UBE3B: variants seen among roughly 807,000 people sequenced by gnomAD.
The protein encoded by UBE3B is ubiquitin-protein ligase E3B.
Under a neutral mutation model 132.3 loss-of-function variants are expected in UBE3B, and 80 were observed. The ratio of observed to expected loss-of-function variants is 0.60; its 90% CI spans 0.50 to 0.73. UBE3B has a LOEUF of 0.73. UBE3B is among the 30% of genes least tolerant of loss of function. The probability of loss-of-function intolerance (pLI) is 0.00; values close to 1 mark genes in which losing one functional copy is unlikely to be tolerated. For synonymous variants in UBE3B, 487 were observed against 520.4 expected (o/e 0.94, Z 0.87); for missense variants, 1,196 against 1,362.5 (o/e 0.88, Z 1.92).
chr12:109,528,330 T>G (rs1882581548), intron 24 of UBE3B: 2 of 985,246 alleles, frequency 2.0e-6, no homozygotes, highest in South Asian at 9.4e-5. Flanking sequence ...CTCAGTAAAG[T>G]GGAGCAGTAC....
At position 109,533,491 on chromosome 12, in the gene UBE3B, C is replaced by T. The variant is rs761093675; in HGVS notation, c.2948C>T (p.Pro983Leu). 2.0e-5 allele frequency: 33 copies of T among 1,614,044 alleles called. No homozygotes were observed. Among genetic ancestry groups the T allele is most frequent in the African/African-American group, 2.7e-5 (2 of 74,924 alleles). The change falls in exon 27 of 28, where the codon CCG (proline) becomes CTG (leucine). Residue 983 changes from proline to leucine, a missense_variant. By Grantham distance (98) the Pro-to-Leu change is moderately conservative (BLOSUM62 -3). Coordinates refer to ENST00000342494, the MANE Select transcript of UBE3B (RefSeq NM_130466.4). ...LKFVTSCSRP[P>L]LLGFAYLKPP... ...TTCGTGACCAGCTGCTCCAGACCCC[C>T]GCTCCTGGGATTCGCCTACCTCAAG... is the stretch of plus-strand genomic sequence containing the variant.
At position 109,523,442 on chromosome 12, in the gene UBE3B, C is replaced by G. The variant is rs940152395; in HGVS notation, c.2365-536C>G. ...CCTGCATCCTCATTGGACATAGCTT[C>G]CATTGCTTCCGTGCCCTCCATCCCT... is the stretch of plus-strand genomic sequence containing the variant. On this transcript the variant is annotated intron_variant, in intron 21 of 27. Transcript: ENST00000342494. Among the ~76,000 whole-genome samples the G allele has an allele frequency of 2.0e-5, 3 of 152,248 alleles. No individual in the cohort carries two copies. In the South Asian group the frequency reaches 6.2e-4, roughly 32 times the overall value.
the UBE3B span, among the ~76,000 whole-genome samples, chr12:109,544,658 G>A: frequency 6.6e-6 from 1 of 152,074 alleles, no homozygotes; most frequent in Non-Finnish European, 1.5e-5. Context: ...TGGATACATC[G>A]GGACTCTTGG....
In UBE3B at chr12:109,503,068, T is replaced by G. The variant is rs963528950; in HGVS notation, c.1328T>G (p.Ile443Ser). The G allele has an allele frequency of 1.2e-6, 2 of 1,614,178 alleles. No individual in the cohort carries two copies. The highest frequency in any genetic ancestry group is 2.7e-5 in the African/African-American group (2 of 75,028). ...CAAAAGTCGGCATCAGTCCGGAATA[T>G]TCTCAGGCCTGTCGGGGGTAAACGG... The part of the protein sequence containing the change: ...AFQKSASVRN[I>S]LRPVGGKRVD... Residue 443 changes from isoleucine to serine, a missense_variant, in exon 14 of 28, where the codon ATT (isoleucine) becomes AGT (serine). Transcript: ENST00000342494.
At position 109,521,759 on chromosome 12, in the gene UBE3B, C is replaced by T. The variant is rs912621274; in HGVS notation, c.2364+208C>T. ...TCTCATCCCATCGACAGCCCTGTGA[C>T]GGGGCTGCCACTGTCCTGGCTATTT... On this transcript the variant is annotated intron_variant, in intron 21 of 27. Coordinates refer to ENST00000342494, the MANE Select transcript of UBE3B (RefSeq NM_130466.4). This position sits in a 1 kb window ranked among gnomAD's most constrained non-coding sequence, Gnocchi z 4.2. Among the ~76,000 whole-genome samples, 1 of 152,140 alleles carries T rather than the reference C, an allele frequency of 6.6e-6. No homozygotes were observed. The highest frequency in any genetic ancestry group is 1.5e-5 in the Non-Finnish European group (1 of 68,012).
At position 109,489,912 on chromosome 12, in the gene UBE3B, T is replaced by C. The variant is rs771664838; in HGVS notation, c.545-7T>C. 2 of 1,613,984 alleles carry C rather than the reference T, an allele frequency of 1.2e-6. No individual in the cohort carries two copies. Among genetic ancestry groups the C allele is most frequent in the Non-Finnish European group, 1.7e-6 (2 of 1,179,834 alleles). On this transcript the variant is annotated splice_region_variant and splice_polypyrimidine_tract_variant and intron_variant, in intron 7 of 27. Coordinates refer to ENST00000342494, the MANE Select transcript of UBE3B (RefSeq NM_130466.4). ...ACTTTTTTGTTCTCACTGTTTTCTT[T>C]CTTTAGGTGAAAGTCTTCGACCAGC...
At chr12:109,507,761 T>C in intron 15 of UBE3B, 26 bp downstream of exon 15, 1 of 1,600,268 alleles carries the variant, frequency 6.2e-7, no homozygotes, top group Non-Finnish European at 8.5e-7. Flanking sequence ...TGGGACTGAA[T>C]TCCTTTCCTA....
chr12:109,516,903 GA>G lies in UBE3B; in HGVS notation c.2076+21del, dbSNP rs753911232. 6.2e-7 allele frequency: 1 copy of G among 1,610,964 alleles called. No homozygotes were observed. The highest frequency in any genetic ancestry group is 8.5e-7 in the Non-Finnish European group (1 of 1,178,034). On this transcript the variant is annotated intron_variant, in intron 19 of 27. Coordinates refer to ENST00000342494, the MANE Select transcript of UBE3B (RefSeq NM_130466.4). ...GCTGGAGGTGAGTGTGAAGCCTATG[GA>G]ATCCTACCACAAGGAAGTGGGCCCT...
At chr12:109,518,701 TATC>T in intron 19 of UBE3B, among the ~76,000 whole-genome samples, 1 of 152,328 alleles carries the variant, frequency 6.6e-6, no homozygotes, top group East Asian at 1.9e-4. Context: ...CCTTCACAAA[TATC>T]ATTGCTTATT....
chr12:109,542,505 G>A, the UBE3B span, among the ~76,000 whole-genome samples: 1 of 152,176 alleles, frequency 6.6e-6, no homozygotes, highest in Non-Finnish European at 1.5e-5. Flanking sequence ...CAAAAAAGAT[G>A]CATCCTAACC....
chr12:109,482,018 G>T (rs575057328), intron 2 of UBE3B, among the ~76,000 whole-genome samples: 1 of 152,208 alleles, frequency 6.6e-6, no homozygotes, highest in Non-Finnish European at 1.5e-5. Context: ...TGTTCATGTG[G>T]TGGGAGGCTT....
At chr12:109,503,333 A>G in intron 14 of UBE3B, 143 bp downstream of exon 14, 2 of 1,074,732 alleles carry the variant, frequency 1.9e-6, no homozygotes, top group Non-Finnish European at 2.6e-6. Context: ...CCTCTTAGAG[A>G]TTAGTCCACC....
the UBE3B span, among the ~76,000 whole-genome samples, chr12:109,546,779 G>A: frequency 6.6e-6 from 1 of 152,082 alleles, no homozygotes; most frequent in African/African-American, 2.4e-5. Context: ...GCACGATCTC[G>A]GCTCGCTGCA....
intron 14 of UBE3B, among the ~76,000 whole-genome samples, chr12:109,506,505 C>T (rs1592926552): frequency 6.6e-6 from 1 of 152,188 alleles, no homozygotes; most frequent in African/African-American, 2.4e-5. Context: ...CTGGCCACCA[C>T]GCCCGGCTGA....
rs763496381 is a variant in UBE3B, at chr12:109,491,109, C to T, written c.695C>T (p.Ala232Val). ...CTATCCAAAGGCACTTTAACAGCAG[C>T]TTTTTCTCTAGCGTTACGGTGAGTA... ...PCLSKGTLTA[A>V]FSLALRPVIA... Residue 232 changes from alanine to valine, a missense_variant, in exon 9 of 28, where the codon GCT becomes GTT. Coordinates refer to ENST00000342494, the MANE Select transcript of UBE3B (RefSeq NM_130466.4). 6.2e-7 allele frequency: 1 copy of T among 1,614,032 alleles called. No homozygotes were observed. Among genetic ancestry groups the T allele is most frequent in the Non-Finnish European group, 8.5e-7 (1 of 1,179,908 alleles).
chr12:109,509,701 G>C lies in UBE3B; in HGVS notation c.1728G>C (p.Trp576Cys). The change falls in exon 16 of 28, where the codon TGG (tryptophan) becomes TGC (cysteine). Residue 576 changes from tryptophan to cysteine, a missense_variant. By Grantham distance (215) the Trp-to-Cys change is radical. Coordinates refer to ENST00000342494, the MANE Select transcript of UBE3B (RefSeq NM_130466.4). ...FLNSFVFKMI[W>C]DGIVENAKGE... The stretch of plus-strand genomic sequence containing the variant: ...ATTCTTTTGTGTTTAAGATGATCTG[G>C]GATGGAATTGTAGGTAAGAGAAAAG... The C allele has an allele frequency of 6.2e-7, 1 of 1,604,154 alleles. No homozygotes were observed.
chr12:109,491,199 C>A, intron 9 of UBE3B, 72 bp downstream of exon 9: 1 of 1,445,170 alleles, frequency 6.9e-7, no homozygotes, highest in Non-Finnish European at 9.7e-7. Context: ...TTCTTTCTCT[C>A]GTTACTGGTA....
rs375186905 is a variant in UBE3B, at chr12:109,518,993, C to CT, written c.2076+2115dup. Among the ~76,000 whole-genome samples the CT allele has an allele frequency of 2.9e-3, 449 of 152,278 alleles. 10 individuals carry two copies. The highest frequency in any genetic ancestry group is 0.01 in the African/African-American group (427 of 41,562). ...CTCATGCTCTCCTGGGCATTGTTTC[C>CT]TTTTTTATGGTTAGTATTGAGGGCT... is the stretch of plus-strand genomic sequence containing the variant. On this transcript the variant is annotated intron_variant, in intron 19 of 27. Coordinates refer to ENST00000342494, the MANE Select transcript of UBE3B (RefSeq NM_130466.4).
chr12:109,527,157 C>T (rs1156717192), intron 24 of UBE3B, among the ~76,000 whole-genome samples: 23 of 152,194 alleles, frequency 1.5e-4, no homozygotes, highest in Admixed American at 1.4e-3. Flanking sequence ...TCAAATGCCA[C>T]AGACGGAGGT....
Sources: gnomAD v4.1 joint callset for allele counts (sites outside exome capture counted in the v4.1 genomes callset) on GRCh38, gnomAD v4.1.1 for gene constraint, Gnocchi (gnomAD v3.1) non-coding constraint, MANE v1.5 for transcripts, NCBI Gene and HGNC (gene_info 2026-07-23, HGNC 2026-07-21) for gene names.